COL25A1: variants seen among roughly 807,000 people sequenced by gnomAD.
The protein encoded by COL25A1 is collagen alpha-1(XXV) chain.
COL25A1 carries 103 observed loss-of-function variants against 128.4 expected under a neutral mutation model. The observed-to-expected ratio is 0.80, with a 90% confidence interval of 0.68 to 0.94. The LOEUF (loss-of-function observed/expected upper bound fraction) is 0.94, where lower values mean the gene tolerates loss of function less well. Ranked by LOEUF, COL25A1 falls within the 40% of genes least tolerant of loss-of-function variation. COL25A1 has a pLI of 0.00. For synonymous variants in COL25A1, 279 were observed against 277.2 expected (o/e 1.01, Z -0.06); for missense variants, 745 against 840.0 (o/e 0.89, Z 1.40).
intron 8 of COL25A1, among the ~76,000 whole-genome samples, chr4:108,941,842 A>G (rs1249402851): frequency 1.3e-5 from 2 of 152,212 alleles, no homozygotes; most frequent in Admixed American, 6.5e-5. Flanking sequence ...CGTGAACTCA[A>G]CTGCCATTTT....
At chr4:109,155,799 T>A (rs1450901104) in intron 3 of COL25A1, among the ~76,000 whole-genome samples, 1 of 152,218 alleles carries the variant, frequency 6.6e-6, no homozygotes, top group Non-Finnish European at 1.5e-5. Flanking sequence ...GGCACCATTA[T>A]GTAAGTAGGC....
At chr4:108,858,851 CA>C (rs953497837) in intron 24 of COL25A1, among the ~76,000 whole-genome samples, 11 of 150,382 alleles carry the variant, frequency 7.3e-5, no homozygotes, top group South Asian at 4.2e-4. Flanking sequence ...GTCAGAGAGA[CA>C]AAAAAAAAGT....
At chr4:108,971,417 A>C (rs952285346) in intron 8 of COL25A1, among the ~76,000 whole-genome samples, 4 of 152,224 alleles carry the variant, frequency 2.6e-5, no homozygotes, top group African/African-American at 4.8e-5. Flanking sequence ...TACATAAACA[A>C]GATAGAATAA....
chr4:109,277,819 C>T (rs1722985529), intron 3 of COL25A1, among the ~76,000 whole-genome samples: 1 of 152,040 alleles, frequency 6.6e-6, no homozygotes. Context: ...TATAATTTCC[C>T]ATTTCTAGAA....
At chr4:109,090,573 AGTTAT>A (rs1764806185) in intron 3 of COL25A1, among the ~76,000 whole-genome samples, 1 of 152,238 alleles carries the variant, frequency 6.6e-6, no homozygotes, top group Non-Finnish European at 1.5e-5. Flanking sequence ...GCTGAAATGT[AGTTAT>A]GTTATGTCTA....
chr4:108,924,288 A>G (rs939883836), intron 11 of COL25A1, among the ~76,000 whole-genome samples: 2 of 152,222 alleles, frequency 1.3e-5, no homozygotes, highest in South Asian at 2.1e-4. Context: ...AACATCATGG[A>G]AAGTTATGCA....
chr4:108,891,717 T>G (rs1741531781), intron 16 of COL25A1, among the ~76,000 whole-genome samples: 1 of 151,976 alleles, frequency 6.6e-6, no homozygotes, highest in Admixed American at 6.6e-5. Flanking sequence ...TTAGGTTTTT[T>G]TTTTTTAATA....
At chr4:108,848,631 T>C in intron 27 of COL25A1, 128 bp downstream of exon 27, 1 of 677,220 alleles carries the variant, frequency 1.5e-6, no homozygotes, top group Non-Finnish European at 2.6e-6. Context: ...ATGAAGTCTC[T>C]AGAACAAATG....
chr4:109,162,894 T>C lies in COL25A1; in HGVS notation c.368-112715A>G, dbSNP rs79852976. On this transcript the variant is annotated intron_variant, in intron 3 of 37. Transcript: ENST00000399132. ...TTTAACTAATGTGATTTTTACCTAATTTTTTAAAAAGGGAGCCAGTGGATA... is the reference window on the plus strand; with the variant it reads ...TTTAACTAATGTGATTTTTACCTAACTTTTTAAAAAGGGAGCCAGTGGATA... 3.7e-4 allele frequency among the ~76,000 whole-genome samples: 56 copies of C among 152,270 alleles called. No individual in the cohort carries two copies. In the East Asian group the frequency reaches 0.01, roughly 27 times the overall value.
intron 3 of COL25A1, among the ~76,000 whole-genome samples, chr4:109,218,790 G>A (rs1357200116): frequency 2.0e-5 from 3 of 152,026 alleles, no homozygotes; most frequent in Non-Finnish European, 2.9e-5. Flanking sequence ...CCATTCTCAT[G>A]GGAGTTTTTT....
chr4:109,102,665 T>C (rs1766009999), intron 3 of COL25A1, among the ~76,000 whole-genome samples: 4 of 152,208 alleles, frequency 2.6e-5, no homozygotes, highest in African/African-American at 7.2e-5. Context: ...TTGCTTCATA[T>C]ACTTACAAGC....
chr4:109,257,009 G>C (rs1261222894), intron 3 of COL25A1, among the ~76,000 whole-genome samples: 3 of 152,100 alleles, frequency 2.0e-5, no homozygotes, highest in Non-Finnish European at 2.9e-5. Flanking sequence ...ACAGAAAAAG[G>C]TGGTTTGTGT....
chr4:109,234,014 T>C (rs922357639), intron 3 of COL25A1, among the ~76,000 whole-genome samples: 2 of 152,176 alleles, frequency 1.3e-5, no homozygotes, highest in African/African-American at 2.4e-5. Context: ...ATTTACTCCA[T>C]ACAAACTTGT....
intron 3 of COL25A1, among the ~76,000 whole-genome samples, chr4:109,089,556 T>G (rs1457536191): frequency 1.3e-5 from 2 of 152,226 alleles, no homozygotes; most frequent in Admixed American, 1.3e-4. Flanking sequence ...TCAGATCTAC[T>G]TGAGGCATAT....
intron 3 of COL25A1, among the ~76,000 whole-genome samples, chr4:109,179,630 C>T (rs1223982712): frequency 1.3e-5 from 2 of 152,134 alleles, no homozygotes; most frequent in Non-Finnish European, 2.9e-5. Flanking sequence ...TTATTGATTA[C>T]TTTCTGTGTT....
Position 108,809,084 on chromosome 4 carries a change from A to ATATT in COL25A1, c.*4839_*4842dup. 6.6e-6 allele frequency: 1 copy of ATATT among 152,328 alleles called. No homozygotes were observed. Among genetic ancestry groups the ATATT allele is most frequent in the African/African-American group, 2.4e-5 (1 of 41,584 alleles). The allele number at this position is 152,328 out of a possible 1,614,324, so 9.4% of individuals were successfully genotyped here. On this transcript the variant is annotated 3_prime_UTR_variant, in exon 38 of 38. Transcript: ENST00000399132. ...CTACTGAGATAAACAGGTTTGTGCC[A>ATATT]TATTTACAGTGATAAGACACAACAC...
intron 3 of COL25A1, among the ~76,000 whole-genome samples, chr4:109,241,374 G>A (rs1302159938): frequency 2.0e-5 from 3 of 151,904 alleles, no homozygotes; most frequent in African/African-American, 7.3e-5. Flanking sequence ...TATGGTTTGT[G>A]TTTTCTAGAG....
intron 6 of COL25A1, among the ~76,000 whole-genome samples, chr4:108,995,702 T>TA (rs1385976689): frequency 6.6e-6 from 1 of 152,106 alleles, no homozygotes; most frequent in East Asian, 1.9e-4. Context: ...GAAAAAATGT[T>TA]AAGGGCAGCC....
intron 8 of COL25A1, among the ~76,000 whole-genome samples, chr4:108,949,956 G>A (rs775972524): frequency 2.6e-5 from 4 of 152,272 alleles, no homozygotes; most frequent in Non-Finnish European, 5.9e-5. Flanking sequence ...GGATTAGAGC[G>A]GTAAACAAGA....
Sources: allele counts gnomAD v4.1 joint callset (sites outside exome capture counted in the v4.1 genomes callset), GRCh38; gene constraint gnomAD v4.1.1; transcripts MANE v1.5; gene names NCBI Gene and HGNC (gene_info 2026-07-23, HGNC 2026-07-21).